CDH2: variants seen among roughly 807,000 people sequenced by gnomAD.
The protein encoded by CDH2 is cadherin 2, also known as cadherin-2.
CDH2 carries 17 observed loss-of-function variants against 92.0 expected under a neutral mutation model. The observed-to-expected ratio is 0.18, with a 90% confidence interval of 0.13 to 0.28. The LOEUF is 0.28. Ranked by LOEUF, CDH2 falls within the 10% of genes least tolerant of loss-of-function variation. The pLI is 1.00. For missense variants in CDH2, 862 were observed against 1,133.1 expected, an observed-to-expected ratio of 0.76 and a Z score of 3.44; for synonymous variants, 419 against 415.9, an observed-to-expected ratio of 1.01 and a Z score of -0.09.
intron 9 of CDH2, 73 bp from the exon 10 acceptor site, chr18:27,990,423 C>G (rs970803002): frequency 1.4e-6 from 2 of 1,407,954 alleles, no homozygotes; most frequent in Non-Finnish European, 1.9e-6. Context: ...ATTCCTCTAT[C>G]AACTCCATTT....
intron 2 of CDH2, among the ~76,000 whole-genome samples, chr18:28,116,356 AAAT>A (rs1298398852): frequency 6.6e-6 from 1 of 152,196 alleles, no homozygotes; most frequent in Non-Finnish European, 1.5e-5. Context: ...GTAACAACGA[AAAT>A]AATAATGTGA....
At chr18:28,161,670 GC>G (rs1487511510) in intron 1 of CDH2, among the ~76,000 whole-genome samples, 1 of 150,346 alleles carries the variant, frequency 6.7e-6, no homozygotes, top group Non-Finnish European at 1.5e-5. Flanking sequence ...TGCCCATCTC[GC>G]CCTCTGAGGG....
At chr18:28,020,010 A>G (rs973434533) in intron 2 of CDH2, among the ~76,000 whole-genome samples, 2 of 152,138 alleles carry the variant, frequency 1.3e-5, no homozygotes, top group Non-Finnish European at 2.9e-5. Context: ...CATGTGAATC[A>G]TATTTTATTA....
chr18:28,057,093 T>C (rs2014307188), intron 2 of CDH2, among the ~76,000 whole-genome samples: 1 of 152,206 alleles, frequency 6.6e-6, no homozygotes, highest in African/African-American at 2.4e-5. Flanking sequence ...CAGATGGTTA[T>C]GTACTCTGGT....
chr18:28,003,234 T>A, intron 6 of CDH2, 65 bp from the exon 7 acceptor site: 1 of 1,254,782 alleles, frequency 8.0e-7, no homozygotes, highest in Non-Finnish European at 1.1e-6. Flanking sequence ...AAATAGAAGG[T>A]ATATTTATTG....
chr18:28,094,187 G>C (rs1415863856), intron 2 of CDH2, among the ~76,000 whole-genome samples: 1 of 152,144 alleles, frequency 6.6e-6, no homozygotes, highest in Non-Finnish European at 1.5e-5. Context: ...AAAATGAGGA[G>C]TTAAAAGAGA....
At chr18:28,144,738 A>T (rs2016008957) in intron 2 of CDH2, among the ~76,000 whole-genome samples, 1 of 152,100 alleles carries the variant, frequency 6.6e-6, no homozygotes, top group Non-Finnish European at 1.5e-5. Context: ...TAAAATACAG[A>T]ACTATCTTCA....
At chr18:28,151,607 T>C (rs970329158) in intron 1 of CDH2, among the ~76,000 whole-genome samples, 1 of 152,094 alleles carries the variant, frequency 6.6e-6, no homozygotes, top group Non-Finnish European at 1.5e-5. Context: ...ACATCCTGCA[T>C]CCCAGAAAGC....
At chr18:28,070,527 G>A (rs1045738469) in intron 2 of CDH2, among the ~76,000 whole-genome samples, 1 of 152,122 alleles carries the variant, frequency 6.6e-6, no homozygotes, top group Admixed American at 6.6e-5. Context: ...GACAGGGAGA[G>A]GATGCCGACC....
At chr18:27,950,827 C>T (rs1909403405), downstream of CDH2, 1 of 152,214 alleles carries the variant, frequency 6.6e-6, no homozygotes, top group African/African-American at 2.4e-5. Context: ...GCACACCGTA[C>T]ATGGTTGCCA....
intron 2 of CDH2, chr18:28,036,559 T>C (rs2013834866): frequency 6.3e-7 from 1 of 1,591,782 alleles, no homozygotes; most frequent in South Asian, 1.1e-5. Flanking sequence ...GCCATCAAGT[T>C]TCCATTTCCC....
At chr18:28,003,283 T>G (rs1418594770) in intron 6 of CDH2, 114 bp from the exon 7 acceptor site, 8 of 724,312 alleles carry the variant, frequency 1.1e-5, no homozygotes, top group Non-Finnish European at 1.8e-5. Flanking sequence ...AAAACAAATA[T>G]TTAAAGTCAT....
intron 2 of CDH2, among the ~76,000 whole-genome samples, chr18:28,043,680 T>G (rs2014008208): frequency 6.6e-6 from 1 of 150,630 alleles, no homozygotes; most frequent in Admixed American, 6.6e-5. Flanking sequence ...AGCACTATTC[T>G]TATTATCATC....
At chr18:28,152,283 T>G (rs549620760) in intron 1 of CDH2, among the ~76,000 whole-genome samples, 22 of 152,294 alleles carry the variant, frequency 1.4e-4, no homozygotes, top group African/African-American at 5.1e-4. Context: ...AACTCTGTAG[T>G]CTTTCTAAGT....
At chr18:28,161,227 T>G (rs1005817542) in intron 1 of CDH2, among the ~76,000 whole-genome samples, 4 of 152,326 alleles carry the variant, frequency 2.6e-5, no homozygotes, top group South Asian at 2.1e-4. Flanking sequence ...GTTTGCTTTC[T>G]AACTTTGAAA....
At chr18:27,976,101 G>T (rs763675760) in intron 14 of CDH2, among the ~76,000 whole-genome samples, 7 of 152,170 alleles carry the variant, frequency 4.6e-5, no homozygotes, top group Non-Finnish European at 1.0e-4. Flanking sequence ...CCAATCATGA[G>T]AGAGCAGGCA....
At chr18:28,034,604 T>G (rs2013779294) in intron 2 of CDH2, among the ~76,000 whole-genome samples, 1 of 152,042 alleles carries the variant, frequency 6.6e-6, no homozygotes, top group Non-Finnish European at 1.5e-5. Context: ...TAGGCCTTAA[T>G]GAATTTTAAT....
intron 5 of CDH2, among the ~76,000 whole-genome samples, chr18:28,006,851 A>C (rs1352703887): frequency 6.6e-6 from 1 of 151,958 alleles, no homozygotes; most frequent in Non-Finnish European, 1.5e-5. Context: ...TAATTGTAAA[A>C]GTCATTCACA....
chr18:28,116,275 G>C (rs559343583), intron 2 of CDH2, among the ~76,000 whole-genome samples: 1 of 152,174 alleles, frequency 6.6e-6, no homozygotes, highest in Non-Finnish European at 1.5e-5. Context: ...AAGGCAACTT[G>C]TTAGGGAGAG....
Sources: gnomAD v4.1 joint callset for allele counts (sites outside exome capture counted in the v4.1 genomes callset) on GRCh38, gnomAD v4.1.1 for gene constraint, MANE v1.5 for transcripts, NCBI Gene and HGNC (gene_info 2026-07-23, HGNC 2026-07-21) for gene names.